The following VAMP4 variants were observed in gnomAD, a reference collection of about 807,000 sequenced individuals.
VAMP4 encodes the protein vesicle associated membrane protein 4, also known as vesicle-associated membrane protein 4.
Under a neutral mutation model 23.5 loss-of-function variants are expected in VAMP4, and 19 were observed. That is an observed-to-expected ratio of 0.81 (90% CI 0.56 to 1.19). The LOEUF is 1.19. Ranked by LOEUF, VAMP4 falls within the 50% of genes most tolerant of loss-of-function variation. VAMP4 has a pLI of 0.00. For missense variants in VAMP4, 145 were observed against 168.6 expected, an observed-to-expected ratio of 0.86 and a Z score of 0.78; for synonymous variants, 31 against 51.0, an observed-to-expected ratio of 0.61 and a Z score of 1.67.
chr1:171,700,701 T>C lies in VAMP4; in HGVS notation c.*3805A>G, dbSNP rs1654400159. The stretch of plus-strand genomic sequence containing the variant: ...GCACTGTGGAGTCACCTCTCACTGA[T>C]ATACTAACATGTGGCATCTTTGTGG... On this transcript the variant is annotated 3_prime_UTR_variant, in exon 8 of 8. Coordinates refer to ENST00000236192, the MANE Select transcript of VAMP4 (RefSeq NM_003762.5). The C allele has an allele frequency of 1.3e-5, 2 of 152,242 alleles. No homozygotes were observed. Among genetic ancestry groups the C allele is most frequent in the African/African-American group, 4.8e-5 (2 of 41,450 alleles). 9.4% of individuals were successfully genotyped at this position (152,242 alleles called of 1,614,324 possible).
At chr1:171,723,399 G>T (rs184301730) in intron 3 of VAMP4, among the ~76,000 whole-genome samples, 9 of 151,092 alleles carry the variant, frequency 6.0e-5, no homozygotes, top group African/African-American at 2.0e-4. Context: ...TCCCTTATCT[G>T]CAACATATAA....
Position 171,736,090 on chromosome 1 carries a change from T to A in VAMP4, c.66+2259A>T, listed in dbSNP as rs564001792. Among the ~76,000 whole-genome samples the A allele has an allele frequency of 3.0e-4, 46 of 152,258 alleles. No homozygotes were observed. In the South Asian group the frequency reaches 9.5e-3, roughly 32 times the overall value. ...CTGCTAGAGATGGGGTTTCACTATGTTGGCCAGACTGGTCTTGAATTCCTG... is the reference window on the plus strand; with the variant it reads ...CTGCTAGAGATGGGGTTTCACTATGATGGCCAGACTGGTCTTGAATTCCTG... On this transcript the variant is annotated intron_variant, in intron 2 of 7. Coordinates refer to ENST00000236192, the MANE Select transcript of VAMP4 (RefSeq NM_003762.5).
intron 3 of VAMP4, among the ~76,000 whole-genome samples, chr1:171,726,369 A>C (rs1265059454): frequency 6.6e-6 from 1 of 152,222 alleles, no homozygotes; most frequent in East Asian, 1.9e-4. Flanking sequence ...TATTTTAACA[A>C]GGTAAGAGGT....
chr1:171,726,959 C>T (rs1046442959), intron 3 of VAMP4, among the ~76,000 whole-genome samples: 6 of 152,084 alleles, frequency 3.9e-5, no homozygotes, highest in Non-Finnish European at 5.9e-5. Context: ...TGGCCAGGCA[C>T]AGTGGCTCAT....
At chr1:171,735,048 A>C (rs1403438178) in intron 2 of VAMP4, among the ~76,000 whole-genome samples, 1 of 152,224 alleles carries the variant, frequency 6.6e-6, no homozygotes, top group African/African-American at 2.4e-5. Context: ...TACAAATAAT[A>C]ATTTTGTCAC....
rs1387034435 is a variant in VAMP4, at chr1:171,703,572, T to A, written c.*934A>T. 6.6e-6 allele frequency: 1 copy of A among 151,106 alleles called. No individual in the cohort carries two copies. The highest frequency in any genetic ancestry group is 1.5e-5 in the Non-Finnish European group (1 of 67,528). The allele number at this position is 151,106 out of a possible 1,614,324, so 9.4% of individuals were successfully genotyped here. On this transcript the variant is annotated 3_prime_UTR_variant, in exon 8 of 8. Coordinates refer to ENST00000236192, the MANE Select transcript of VAMP4 (RefSeq NM_003762.5). Reference sequence around the variant, plus strand: ...AGGATGAACAGGAAATGCAAAGATATAAAATTCAAAGTATTAATAGATGGT... The same window carrying A: ...AGGATGAACAGGAAATGCAAAGATAAAAAATTCAAAGTATTAATAGATGGT...
At chr1:171,740,749 A>T (rs947534290) in intron 1 of VAMP4, among the ~76,000 whole-genome samples, 14 of 152,238 alleles carry the variant, frequency 9.2e-5, no homozygotes, top group Admixed American at 9.2e-4. Context: ...AGGCTGCCTC[A>T]ACATCCCAAA....
intron 6 of VAMP4, 115 bp from the exon 7 acceptor site, chr1:171,706,533 T>A: frequency 1.0e-6 from 1 of 965,550 alleles, no homozygotes; most frequent in Non-Finnish European, 1.5e-6. Flanking sequence ...TAAGGTTTCT[T>A]AACTACAAAA....
intron 3 of VAMP4, among the ~76,000 whole-genome samples, chr1:171,727,514 A>G (rs1331741228): frequency 6.6e-6 from 1 of 152,222 alleles, no homozygotes; most frequent in Non-Finnish European, 1.5e-5. Context: ...TTCTCATACA[A>G]TGCTGGTGAC....
intron 3 of VAMP4, among the ~76,000 whole-genome samples, chr1:171,726,602 T>G (rs774606043): frequency 2.6e-4 from 39 of 152,254 alleles, no homozygotes; most frequent in Middle Eastern, 3.4e-3. Flanking sequence ...AATGAAACAG[T>G]TGGATGGCCA....
At chr1:171,708,571 G>A (rs1654736837) in intron 6 of VAMP4, among the ~76,000 whole-genome samples, 1 of 151,592 alleles carries the variant, frequency 6.6e-6, no homozygotes, top group East Asian at 1.9e-4. Flanking sequence ...GGTTTAGAAA[G>A]TTATTGCTGG....
chr1:171,706,305 G>C (rs781191055), intron 7 of VAMP4, 62 bp downstream of exon 7: 2 of 1,486,982 alleles, frequency 1.3e-6, no homozygotes, highest in Non-Finnish European at 1.8e-6. Context: ...AAATAAAAGG[G>C]AATTAAAATG....
At chr1:171,732,559 A>C (rs1198743406) in intron 2 of VAMP4, among the ~76,000 whole-genome samples, 6 of 151,946 alleles carry the variant, frequency 3.9e-5, no homozygotes, top group Non-Finnish European at 8.8e-5. Flanking sequence ...AAAAAACAAA[A>C]AACATCCTTC....
intron 2 of VAMP4, among the ~76,000 whole-genome samples, chr1:171,731,356 T>C (rs1655560067): frequency 6.6e-6 from 1 of 152,142 alleles, no homozygotes; most frequent in South Asian, 2.1e-4. Context: ...ACATGGCACA[T>C]GTATACATAT....
intron 3 of VAMP4, among the ~76,000 whole-genome samples, chr1:171,723,970 G>A (rs900802104): frequency 5.3e-5 from 8 of 152,034 alleles, no homozygotes; most frequent in Non-Finnish European, 8.8e-5. Flanking sequence ...ATTCGGGGTC[G>A]CTGACTTCCC....
chr1:171,723,161 A>T, intron 3 of VAMP4, among the ~76,000 whole-genome samples: 1 of 152,288 alleles, frequency 6.6e-6, no homozygotes, highest in South Asian at 2.1e-4. Context: ...TGGATTATAG[A>T]GATCACATGC....
intron 6 of VAMP4, 41 bp from the exon 7 acceptor site, chr1:171,706,459 G>C: frequency 1.3e-6 from 2 of 1,546,074 alleles, no homozygotes; most frequent in Non-Finnish European, 1.8e-6. Flanking sequence ...TATTTGACTT[G>C]TTAATAAAGT....
At chr1:171,715,427 T>C (rs1325667603) in intron 4 of VAMP4, among the ~76,000 whole-genome samples, 1 of 152,162 alleles carries the variant, frequency 6.6e-6, no homozygotes, top group African/African-American at 2.4e-5. Flanking sequence ...TATGGTATAA[T>C]GTAGAGCCCC....
chr1:171,724,181 G>A (rs1300889151), intron 3 of VAMP4, among the ~76,000 whole-genome samples: 1 of 152,086 alleles, frequency 6.6e-6, no homozygotes, highest in Admixed American at 6.6e-5. Context: ...TAGGGACATG[G>A]ATGAAGCTGG....
Sources: allele counts gnomAD v4.1 joint callset (sites outside exome capture counted in the v4.1 genomes callset), GRCh38; gene constraint gnomAD v4.1.1; transcripts MANE v1.5; gene names NCBI Gene and HGNC (gene_info 2026-07-23, HGNC 2026-07-21).